AFG2A: variants seen among roughly 807,000 people sequenced by gnomAD.
AFG2A encodes the protein AAA ATPase AFG2A.
At chr4:123,239,938 A>G in the AFG2A span, among the ~76,000 whole-genome samples, 1 of 152,222 alleles carries the variant, frequency 6.6e-6, no homozygotes, top group African/African-American at 2.4e-5. Flanking sequence ...GACCCATCTC[A>G]TGTACAGAGA....
chr4:122,924,270 G>A, the AFG2A span, among the ~76,000 whole-genome samples: 2 of 152,068 alleles, frequency 1.3e-5, no homozygotes, highest in African/African-American at 4.8e-5. Flanking sequence ...TTTTCTTCCT[G>A]CAACCGTCTC....
At chr4:123,051,336 C>G in the AFG2A span, among the ~76,000 whole-genome samples, 59 of 151,908 alleles carry the variant, frequency 3.9e-4, 1 homozygote, top group South Asian at 0.012. Context: ...CTGGTACCAA[C>G]TTAACTTTGA....
At chr4:123,019,730 A>G in the AFG2A span, among the ~76,000 whole-genome samples, 1 of 152,154 alleles carries the variant, frequency 6.6e-6, no homozygotes, top group Non-Finnish European at 1.5e-5. Context: ...CTCTTTTAGG[A>G]TACTTTTCTT....
chr4:123,218,022 C>T, the AFG2A span, among the ~76,000 whole-genome samples: 1 of 152,182 alleles, frequency 6.6e-6, no homozygotes, highest in South Asian at 2.1e-4. Context: ...TGTAAGTATT[C>T]GAGAAAGTTT....
At chr4:123,239,861 T>A in the AFG2A span, among the ~76,000 whole-genome samples, 1 of 151,886 alleles carries the variant, frequency 6.6e-6, no homozygotes, top group Non-Finnish European at 1.5e-5. Context: ...GGCTAAATGC[T>A]CCAATTAAAA....
the AFG2A span, among the ~76,000 whole-genome samples, chr4:123,144,257 T>A: frequency 2.0e-5 from 3 of 152,150 alleles, no homozygotes; most frequent in African/African-American, 4.8e-5. Flanking sequence ...TGTTTAGCTC[T>A]ATATATCTGT....
At chr4:123,093,465 G>T in the AFG2A span, among the ~76,000 whole-genome samples, 1 of 152,172 alleles carries the variant, frequency 6.6e-6, no homozygotes, top group African/African-American at 2.4e-5. Flanking sequence ...TTAGGCCAAT[G>T]AGCATTGAGC....
the AFG2A span, among the ~76,000 whole-genome samples, chr4:123,212,652 C>G: frequency 2.6e-5 from 4 of 152,076 alleles, no homozygotes; most frequent in Non-Finnish European, 4.4e-5. Context: ...TAGTCCCAAA[C>G]TAAAGTAGGT....
chr4:123,249,878 G>T, the AFG2A span, among the ~76,000 whole-genome samples: 1 of 152,124 alleles, frequency 6.6e-6, no homozygotes, highest in African/African-American at 2.4e-5. Context: ...TAGATACCTA[G>T]AATAAATCCA....
chr4:123,057,111 CT>C, the AFG2A span: 1 of 1,238,186 alleles, frequency 8.1e-7, no homozygotes, highest in Non-Finnish European at 1.2e-6. Flanking sequence ...TGACTTGTAC[CT>C]AATAGGTTTG....
chr4:123,151,970 C>G, the AFG2A span, among the ~76,000 whole-genome samples: 1 of 152,106 alleles, frequency 6.6e-6, no homozygotes, highest in African/African-American at 2.4e-5. Flanking sequence ...AGTTCATGTC[C>G]TTTGTAGGGA....
At chr4:123,229,013 C>G in the AFG2A span, among the ~76,000 whole-genome samples, 1 of 151,670 alleles carries the variant, frequency 6.6e-6, no homozygotes, top group South Asian at 2.1e-4. Context: ...TTATAAATGT[C>G]TAAGGAAAAG....
At chr4:122,940,760 T>C in the AFG2A span, among the ~76,000 whole-genome samples, 5 of 151,724 alleles carry the variant, frequency 3.3e-5, no homozygotes, top group Non-Finnish European at 7.4e-5. Context: ...GTTTTTATGG[T>C]TTTAGGTCTA....
the AFG2A span, among the ~76,000 whole-genome samples, chr4:123,216,454 A>G: frequency 6.6e-6 from 1 of 152,196 alleles, no homozygotes; most frequent in Non-Finnish European, 1.5e-5. Context: ...CATATACACT[A>G]TATCTACATA....
At chr4:123,052,391 G>C in the AFG2A span, among the ~76,000 whole-genome samples, 1 of 152,124 alleles carries the variant, frequency 6.6e-6, no homozygotes, top group Non-Finnish European at 1.5e-5. Flanking sequence ...TCTTAAAACA[G>C]GTATTTTGAA....
chr4:122,929,118 G>A, the AFG2A span: 1 of 1,613,596 alleles, frequency 6.2e-7, no homozygotes, highest in Non-Finnish European at 8.5e-7. Context: ...AAATGTGGGT[G>A]TGAGGCCTGG....
chr4:123,084,218 C>T, the AFG2A span, among the ~76,000 whole-genome samples: 1 of 151,398 alleles, frequency 6.6e-6, no homozygotes, highest in Non-Finnish European at 1.5e-5. Context: ...AGCCTGGCTA[C>T]AGGCTTATTG....
chr4:123,028,831 C>G, the AFG2A span, among the ~76,000 whole-genome samples: 6 of 152,150 alleles, frequency 3.9e-5, no homozygotes, highest in Non-Finnish European at 8.8e-5. Flanking sequence ...CTTTTCCATT[C>G]AGAAAGTATA....
chr4:123,041,709 G>T, the AFG2A span, among the ~76,000 whole-genome samples: 1,839 of 151,596 alleles, frequency 0.012, 42 homozygotes, highest in African/African-American at 0.041. Context: ...TGTATTTTTA[G>T]TAGAGATGTG....
Sources: allele counts gnomAD v4.1 joint callset (sites outside exome capture counted in the v4.1 genomes callset), GRCh38; gene constraint gnomAD v4.1.1; transcripts MANE v1.5; gene names NCBI Gene and HGNC (gene_info 2026-07-23, HGNC 2026-07-21).